SLC4A10: variants seen among roughly 807,000 people sequenced by gnomAD.
SLC4A10 encodes solute carrier family 4 member 10.
SLC4A10 carries 42 observed loss-of-function variants against 137.7 expected under a neutral mutation model. That is an observed-to-expected ratio of 0.30 (90% CI 0.24 to 0.39). SLC4A10 has a LOEUF of 0.39. Ranked by LOEUF, SLC4A10 falls within the 10% of genes least tolerant of loss-of-function variation. The pLI is 1.00. For synonymous variants in SLC4A10, 474 were observed against 464.1 expected, an observed-to-expected ratio of 1.02 and a Z score of -0.27; for missense variants, 925 against 1,355.0, an observed-to-expected ratio of 0.68 and a Z score of 4.98.
chr2:161,874,100 A>T (rs2061321003), intron 8 of SLC4A10, 95 bp downstream of exon 8: 1 of 1,217,638 alleles, frequency 8.2e-7, no homozygotes, highest in Admixed American at 2.0e-5. Context: ...GTTGAAATGT[A>T]TTCCATCTGC....
At chr2:161,781,913 A>G (rs2053066271) in intron 2 of SLC4A10, among the ~76,000 whole-genome samples, 1 of 152,038 alleles carries the variant, frequency 6.6e-6, no homozygotes, top group African/African-American at 2.4e-5. Context: ...ACAATTGGGA[A>G]AAGAGTCTCA....
At chr2:161,902,711 A>G in intron 12 of SLC4A10, among the ~76,000 whole-genome samples, 1 of 152,174 alleles carries the variant, frequency 6.6e-6, no homozygotes, top group Non-Finnish European at 1.5e-5. Flanking sequence ...TTAATAGGTA[A>G]CTATTACAGA....
intron 1 of SLC4A10, among the ~76,000 whole-genome samples, chr2:161,675,892 T>C (rs1266734195): frequency 6.6e-6 from 1 of 152,250 alleles, no homozygotes; most frequent in East Asian, 1.9e-4. Flanking sequence ...CCTCTATGCC[T>C]ATTTTAAATT....
intron 1 of SLC4A10, among the ~76,000 whole-genome samples, chr2:161,648,535 T>G (rs1330928027): frequency 6.6e-6 from 1 of 152,196 alleles, no homozygotes; most frequent in Non-Finnish European, 1.5e-5. Flanking sequence ...AAATTCCAAA[T>G]ATTTGAAACA....
At chr2:161,947,835 C>T (rs1694098034) in intron 17 of SLC4A10, 108 bp downstream of exon 17, 2 of 1,250,878 alleles carry the variant, frequency 1.6e-6, no homozygotes, top group African/African-American at 1.5e-5. Context: ...AGTGAGCTGC[C>T]AGGTTAGTTG....
chr2:161,929,033 A>T (rs1182183289), intron 15 of SLC4A10, among the ~76,000 whole-genome samples: 1 of 152,148 alleles, frequency 6.6e-6, no homozygotes, highest in Non-Finnish European at 1.5e-5. Flanking sequence ...ACTTTTAACA[A>T]ATTTTCAAAA....
chr2:161,805,060 C>G (rs1247572084), intron 3 of SLC4A10, among the ~76,000 whole-genome samples: 1 of 152,120 alleles, frequency 6.6e-6, no homozygotes, highest in Non-Finnish European at 1.5e-5. Flanking sequence ...ACTTACAGTA[C>G]CACATGGCTG....
chr2:161,928,630 T>A (rs1575687106), intron 15 of SLC4A10, among the ~76,000 whole-genome samples: 2 of 116,472 alleles, frequency 1.7e-5, no homozygotes, highest in African/African-American at 3.2e-5. Context: ...AAAAATAAAA[T>A]CATAACAATC....
At chr2:161,722,369 G>C (rs968207210) in intron 1 of SLC4A10, among the ~76,000 whole-genome samples, 11 of 152,038 alleles carry the variant, frequency 7.2e-5, no homozygotes, top group African/African-American at 2.7e-4. Flanking sequence ...GTTTTTGTGG[G>C]GTTCTTTTCT....
chr2:161,911,916 A>G (rs761831417), intron 15 of SLC4A10, among the ~76,000 whole-genome samples: 5 of 151,954 alleles, frequency 3.3e-5, no homozygotes, highest in African/African-American at 9.7e-5. Flanking sequence ...ACTTTTAGCA[A>G]CTCCTCACCT....
intron 23 of SLC4A10, among the ~76,000 whole-genome samples, chr2:161,970,075 T>C (rs1010182548): frequency 6.6e-6 from 1 of 152,176 alleles, no homozygotes; most frequent in African/African-American, 2.4e-5. Context: ...ACCATCTCTG[T>C]TAATAAGACC....
chr2:161,729,520 T>TA (rs934129767), intron 1 of SLC4A10, among the ~76,000 whole-genome samples: 4 of 151,964 alleles, frequency 2.6e-5, no homozygotes, highest in Admixed American at 2.0e-4. Flanking sequence ...AAGTTTTTTT[T>TA]AAAAAAAATT....
intron 1 of SLC4A10, among the ~76,000 whole-genome samples, chr2:161,682,890 T>C (rs952935298): frequency 7.2e-5 from 11 of 152,124 alleles, no homozygotes; most frequent in African/African-American, 2.7e-4. Flanking sequence ...CCTAAAGGCA[T>C]AGGCTCAGAG....
intron 1 of SLC4A10, among the ~76,000 whole-genome samples, chr2:161,670,378 T>C (rs1424433411): frequency 1.3e-5 from 2 of 151,864 alleles, no homozygotes; most frequent in African/African-American, 4.8e-5. Context: ...AGGCAATTTC[T>C]CTTTTCCATT....
chr2:161,746,980 C>T (rs149620713), intron 1 of SLC4A10, among the ~76,000 whole-genome samples: 28 of 152,222 alleles, frequency 1.8e-4, no homozygotes, highest in African/African-American at 6.5e-4. Flanking sequence ...CCTCTTTACT[C>T]TTCCCTCTCC....
At position 161,862,981 on chromosome 2, in the gene SLC4A10, C is replaced by T. The variant is rs770571506; in HGVS notation, c.685C>T (p.Leu229Phe). Residue 229 changes from leucine to phenylalanine, a missense_variant, in exon 6 of 27, where the codon CTC (leucine) becomes TTC (phenylalanine). By Grantham distance (22) the Leu-to-Phe change is conservative. Coordinates refer to ENST00000446997, the MANE Select transcript of SLC4A10 (RefSeq NM_001178015.2). ...GCATCATCATCAGAATCAGAAAAAACTCACCAACAGGATTCCCATTGTTCG... is the reference window on the plus strand; with the variant it reads ...GCATCATCATCAGAATCAGAAAAAATTCACCAACAGGATTCCCATTGTTCG... ...KQHHHQNQKK[L>F]TNRIPIVRSF... 6.2e-7 allele frequency: 1 copy of T among 1,613,906 alleles called. No homozygotes were observed. Among genetic ancestry groups the T allele is most frequent in the South Asian group, 1.1e-5 (1 of 91,064 alleles).
intron 23 of SLC4A10, among the ~76,000 whole-genome samples, chr2:161,969,747 T>C (rs1384534166): frequency 6.6e-6 from 1 of 152,134 alleles, no homozygotes; most frequent in Non-Finnish European, 1.5e-5. Flanking sequence ...GTGATCCCAA[T>C]GCAGGATCAT....
intron 2 of SLC4A10, among the ~76,000 whole-genome samples, chr2:161,803,607 G>T (rs1056193334): frequency 1.7e-4 from 26 of 152,232 alleles, no homozygotes; most frequent in African/African-American, 5.8e-4. Context: ...CATACAGTTG[G>T]AATAATACAG....
chr2:161,644,125 A>G (rs987838197), intron 1 of SLC4A10, among the ~76,000 whole-genome samples: 6 of 148,772 alleles, frequency 4.0e-5, no homozygotes, highest in African/African-American at 1.2e-4. Context: ...ATGCATATAT[A>G]GAAAGTGAGT....
Sources: gnomAD v4.1 joint callset for allele counts (sites outside exome capture counted in the v4.1 genomes callset) on GRCh38, gnomAD v4.1.1 for gene constraint, MANE v1.5 for transcripts, NCBI Gene and HGNC (gene_info 2026-07-23, HGNC 2026-07-21) for gene names.